The following SLIT3 variants were observed in gnomAD, a reference collection of about 807,000 sequenced individuals.
SLIT3 encodes slit guidance ligand 3, also known as slit homolog 3 protein.
A neutral mutation model predicts 184.0 loss-of-function variants in SLIT3; 68 were observed. That is an observed-to-expected ratio of 0.37 (90% confidence interval 0.30 to 0.45). The LOEUF is 0.45. Among genes scored for constraint, SLIT3 ranks in the 20% least tolerant of loss-of-function variants. The probability of loss-of-function intolerance (pLI) is 1.00; values close to 1 mark genes in which losing one functional copy is unlikely to be tolerated. For synonymous variants in SLIT3, 831 were observed against 828.6 expected, an observed-to-expected ratio of 1.00 and a Z score of -0.05; for missense variants, 1,707 against 2,026.0, an observed-to-expected ratio of 0.84 and a Z score of 3.02.
At chr5:168,852,267 C>T (rs1444823107) in intron 5 of SLIT3, among the ~76,000 whole-genome samples, 3 of 152,198 alleles carry the variant, frequency 2.0e-5, no homozygotes, top group African/African-American at 7.2e-5. Context: ...AAAGTTATCT[C>T]CCACATCTCT....
intron 6 of SLIT3, among the ~76,000 whole-genome samples, chr5:168,830,432 G>A (rs993422466): frequency 3.9e-5 from 6 of 152,186 alleles, no homozygotes; most frequent in Admixed American, 2.0e-4. Context: ...ATGCAATAAA[G>A]CATCCTTAGA....
intron 4 of SLIT3, among the ~76,000 whole-genome samples, chr5:169,162,792 A>T (rs1403670324): frequency 1.3e-5 from 2 of 152,214 alleles, no homozygotes; most frequent in East Asian, 3.8e-4. Context: ...ATGACCTTGT[A>T]TGATGCCTGG....
Position 168,774,414 on chromosome 5 carries a change from C to A in SLIT3, c.1152-36G>T, listed in dbSNP as rs756766994. The A allele has an allele frequency of 3.7e-5, 59 of 1,582,172 alleles. No individual in the cohort carries two copies. In the Middle Eastern group the frequency reaches 6.8e-4, roughly 18 times the overall value. ...AAGAGAGCCTGGTTGATTCACTAAT[C>A]CTGGTAATTACCTGCGGGGCAAGGG... On this transcript the variant is annotated intron_variant, in intron 12 of 35. Transcript: ENST00000519560.
At chr5:168,994,666 G>C (rs1755451365) in intron 4 of SLIT3, among the ~76,000 whole-genome samples, 1 of 27,512 alleles carries the variant, frequency 3.6e-5, no homozygotes, top group Non-Finnish European at 6.6e-5. Flanking sequence ...TTTTTTTTGA[G>C]ACTGAGTCTT....
intron 5 of SLIT3, among the ~76,000 whole-genome samples, chr5:168,868,747 C>CAGAAAAA (rs869113329): frequency 1.4e-5 from 1 of 69,310 alleles, no homozygotes; most frequent in Non-Finnish European, 2.9e-5. Flanking sequence ...GAATCTGCCT[C>CAGAAAAA]AAAAAAAAAA....
intron 3 of SLIT3, among the ~76,000 whole-genome samples, chr5:169,205,689 A>T (rs142375401): frequency 1.1e-4 from 17 of 152,316 alleles, no homozygotes; most frequent in Non-Finnish European, 2.4e-4. Context: ...AAAGGGGGCA[A>T]ACTTTGTGAA....
chr5:169,143,980 T>C (rs1184584320), intron 4 of SLIT3, among the ~76,000 whole-genome samples: 7 of 152,132 alleles, frequency 4.6e-5, no homozygotes, highest in Non-Finnish European at 8.8e-5. Flanking sequence ...CTGCCAACAG[T>C]AAGTAGTGTG....
chr5:168,686,558 A>G (rs1029639497), intron 30 of SLIT3, among the ~76,000 whole-genome samples: 2 of 152,244 alleles, frequency 1.3e-5, no homozygotes, highest in Non-Finnish European at 2.9e-5. Context: ...GAAGTAGAAT[A>G]GAGGTTACCA....
rs578251336 is a variant in SLIT3, at chr5:169,244,834, C to T, written c.270-58G>A. On this transcript the variant is annotated intron_variant, in intron 2 of 35. Transcript: ENST00000519560. ...AAAGCTGGGCTCAGGGACCCTCATACTAGGCTTCATGCCATGCAGGCATGG... is the reference window on the plus strand; with the variant it reads ...AAAGCTGGGCTCAGGGACCCTCATATTAGGCTTCATGCCATGCAGGCATGG... 6.8e-6 allele frequency: 10 copies of T among 1,463,940 alleles called. No individual in the cohort carries two copies. The African/African-American group carries it at 8.3e-5, about 12-fold the overall frequency. 90.7% of individuals were successfully genotyped at this position (1,463,940 alleles called of 1,614,324 possible).
chr5:168,748,493 C>G (rs959960403), intron 19 of SLIT3, 59 bp from the exon 20 acceptor site: 44 of 1,470,924 alleles, frequency 3.0e-5, no homozygotes, highest in Non-Finnish European at 3.8e-5. Context: ...TAGGGGGAGC[C>G]AGTGAGCAAG....
intron 4 of SLIT3, among the ~76,000 whole-genome samples, chr5:169,081,431 C>A (rs1693262784): frequency 6.6e-6 from 1 of 152,252 alleles, no homozygotes; most frequent in South Asian, 2.1e-4. Context: ...CCTGCCATGC[C>A]CTGGGGTTTC....
chr5:169,140,638 T>C (rs1020605383), intron 4 of SLIT3, among the ~76,000 whole-genome samples: 1 of 151,826 alleles, frequency 6.6e-6, no homozygotes, highest in East Asian at 1.9e-4. Flanking sequence ...ACCCTGTGTC[T>C]ACAAAGAGAG....
At position 169,078,525 on chromosome 5, in the gene SLIT3, C is replaced by G. The variant is rs1448913359; in HGVS notation, c.413+114954G>C. ...AATAAAAGGCCAGTCTCCCGCAAAC[C>G]CAGCACCCTTCCTACTTCACCAACT... On this transcript the variant is annotated intron_variant, in intron 4 of 35. Transcript: ENST00000519560. 2.0e-5 allele frequency among the ~76,000 whole-genome samples: 3 copies of G among 152,160 alleles called. No individual in the cohort carries two copies. In the East Asian group the frequency reaches 5.8e-4, roughly 29 times the overall value.
chr5:168,872,637 C>CTTAT (rs1451310196), intron 5 of SLIT3, among the ~76,000 whole-genome samples: 2 of 111,136 alleles, frequency 1.8e-5, no homozygotes, highest in Non-Finnish European at 3.9e-5. Flanking sequence ...TCTTCTTCTT[C>CTTAT]TTCTTTTTTT....
intron 2 of SLIT3, among the ~76,000 whole-genome samples, chr5:169,249,857 A>G (rs1765713755): frequency 6.6e-6 from 1 of 152,220 alleles, no homozygotes; most frequent in Non-Finnish European, 1.5e-5. Context: ...TGGTGAGAGG[A>G]GAGTGTTTGA....
At chr5:168,743,214 T>C (rs1763692294) in intron 20 of SLIT3, among the ~76,000 whole-genome samples, 1 of 152,190 alleles carries the variant, frequency 6.6e-6, no homozygotes, top group Admixed American at 6.5e-5. Context: ...TTTATTGCAC[T>C]TTGCTTTATT....
At chr5:168,901,084 C>T (rs1760851833) in intron 4 of SLIT3, among the ~76,000 whole-genome samples, 1 of 152,170 alleles carries the variant, frequency 6.6e-6, no homozygotes, top group Admixed American at 6.5e-5. Context: ...AATTGCAGGC[C>T]AGGCACAGTG....
rs1300914343 is a variant in SLIT3 at position 169,300,740 on chromosome 5, T to TGG, written c.-32_-31insCC. 1 of 1,292,836 alleles carries TGG rather than the reference T, an allele frequency of 7.7e-7. No homozygotes were observed. The highest frequency in any genetic ancestry group is 3.2e-5 in the East Asian group (1 of 31,596). 80.1% of individuals were successfully genotyped at this position (1,292,836 alleles called of 1,614,324 possible). The stretch of plus-strand genomic sequence containing the variant: ...GCAGGGCCCCGCTCCTGGAGGAGGC[T>TGG]GCCTCTGCGGGGCAAGACGCGTGGA... On this transcript the variant is annotated 5_prime_UTR_variant, in exon 1 of 36. Transcript: ENST00000519560. This position sits in a 1 kb window ranked among gnomAD's most constrained non-coding sequence, Gnocchi z 4.1.
In SLIT3 at chr5:169,141,264, TA is replaced by T. The variant is rs568547282; in HGVS notation, c.413+52214del. 9.4e-4 allele frequency among the ~76,000 whole-genome samples: 143 copies of T among 152,178 alleles called. 5 individuals carry two copies. The highest frequency in any genetic ancestry group is 3.3e-3 in the African/African-American group (139 of 41,538). On this transcript the variant is annotated intron_variant, in intron 4 of 35. Coordinates refer to ENST00000519560, the MANE Select transcript of SLIT3 (RefSeq NM_003062.4). ...ACTGACTACGACATCACCCCACAAATAAACAAAAACAAAAGGAAACTTAAAG... is the reference window on the plus strand; with the variant it reads ...ACTGACTACGACATCACCCCACAAATAACAAAAACAAAAGGAAACTTAAAG...
Sources: gnomAD v4.1 joint callset for allele counts (sites outside exome capture counted in the v4.1 genomes callset) on GRCh38, gnomAD v4.1.1 for gene constraint, Gnocchi (gnomAD v3.1) non-coding constraint, MANE v1.5 for transcripts, NCBI Gene and HGNC (gene_info 2026-07-23, HGNC 2026-07-21) for gene names.